DDC: variants seen among roughly 807,000 people sequenced by gnomAD.
The protein encoded by DDC is aromatic-L-amino-acid decarboxylase.
A neutral mutation model predicts 60.0 loss-of-function variants in DDC; 43 were observed. The ratio of observed to expected loss-of-function variants is 0.72; its 90% CI spans 0.56 to 0.92. The LOEUF is 0.92. Among genes scored for constraint, DDC ranks in the 40% least tolerant of loss-of-function variants. The pLI is 0.00. For synonymous variants in DDC, 232 were observed against 234.6 expected, an observed-to-expected ratio of 0.99 and a Z score of 0.10; for missense variants, 573 against 620.2, an observed-to-expected ratio of 0.92 and a Z score of 0.81.
chr7:50,549,152 A>G (rs2044899981), intron 1 of DDC, among the ~76,000 whole-genome samples: 1 of 152,242 alleles, frequency 6.6e-6, no homozygotes, highest in Admixed American at 6.5e-5. Flanking sequence ...CAAGAGCAAG[A>G]TGTACAAGGA....
At chr7:50,499,022 G>A in intron 8 of DDC, 126 bp downstream of exon 8, 1 of 791,704 alleles carries the variant, frequency 1.3e-6, no homozygotes, top group South Asian at 1.4e-5. Context: ...GTCGGAATTG[G>A]TTCAAACATA....
At chr7:50,522,067 A>G (rs1410377258) in intron 6 of DDC, among the ~76,000 whole-genome samples, 1 of 152,198 alleles carries the variant, frequency 6.6e-6, no homozygotes, top group Admixed American at 6.5e-5. Context: ...AGAACTAAGT[A>G]AACAATTATG....
intron 9 of DDC, among the ~76,000 whole-genome samples, chr7:50,490,180 TA>T (rs1191301740): frequency 6.6e-6 from 1 of 152,224 alleles, no homozygotes; most frequent in African/African-American, 2.4e-5. Flanking sequence ...ACAGAGCTAG[TA>T]AAAGCCTCTT....
At chr7:50,474,550 C>G (rs1466504953) in intron 11 of DDC, among the ~76,000 whole-genome samples, 1 of 152,188 alleles carries the variant, frequency 6.6e-6, no homozygotes, top group Non-Finnish European at 1.5e-5. Context: ...ATCTGTGATT[C>G]TTGGTGAACG....
intron 7 of DDC, among the ~76,000 whole-genome samples, chr7:50,501,375 T>A (rs2043252953): frequency 6.6e-6 from 1 of 152,202 alleles, no homozygotes; most frequent in Non-Finnish European, 1.5e-5. Flanking sequence ...GCAACCTAAC[T>A]GACTTCAACT....
At chr7:50,561,621 C>T (rs1313417682) in intron 1 of DDC, among the ~76,000 whole-genome samples, 2 of 152,134 alleles carry the variant, frequency 1.3e-5, no homozygotes, top group African/African-American at 4.8e-5. Flanking sequence ...GGCTCAGTCT[C>T]TCCTCCCACC....
At chr7:50,483,699 G>A (rs1156672485) in intron 9 of DDC, among the ~76,000 whole-genome samples, 2 of 151,998 alleles carry the variant, frequency 1.3e-5, no homozygotes, top group Non-Finnish European at 2.9e-5. Flanking sequence ...TCAGGAGATC[G>A]AGACCATCCT....
intron 1 of DDC, among the ~76,000 whole-genome samples, chr7:50,553,675 T>G (rs2153553374): frequency 6.6e-6 from 1 of 151,966 alleles, no homozygotes; most frequent in Middle Eastern, 3.4e-3. Flanking sequence ...TTAGTAGAGA[T>G]GGGGTTTTAC....
At chr7:50,538,028 A>AT (rs757534071) in intron 3 of DDC, 49 bp from the exon 4 acceptor site, 30 of 1,613,330 alleles carry the variant, frequency 1.9e-5, no homozygotes, top group Non-Finnish European at 2.5e-6. Flanking sequence ...GCATTGCAGA[A>AT]TTTGGGGGTC....
chr7:50,539,785 G>A (rs922494526), intron 3 of DDC, 130 bp downstream of exon 3: 7 of 711,372 alleles, frequency 9.8e-6, no homozygotes, highest in African/African-American at 3.5e-5. Flanking sequence ...TCTCCTCCCT[G>A]CAACAGTAGC....
chr7:50,470,271 T>G, intron 11 of DDC, 100 bp from the exon 12 acceptor site: 1 of 897,654 alleles, frequency 1.1e-6, no homozygotes, highest in Admixed American at 1.7e-5. Context: ...AGGCAGCCGA[T>G]TCCCTGGTGG....
Position 50,489,065 on chromosome 7 carries a change from G to C in DDC, c.944+6285C>G, listed in dbSNP as rs2042944909. On this transcript the variant is annotated intron_variant, in intron 9 of 14. Coordinates refer to ENST00000444124, the MANE Select transcript of DDC (RefSeq NM_001082971.2). ...TCTGTCACCCAGGCTGGAGTGCAGTGGCACCATCTCAGCTCACTGCAGCCT... is the reference window on the plus strand; with the variant it reads ...TCTGTCACCCAGGCTGGAGTGCAGTCGCACCATCTCAGCTCACTGCAGCCT... Among the ~76,000 whole-genome samples the C allele has an allele frequency of 2.6e-5, 4 of 152,272 alleles. No homozygotes were observed. In the South Asian group the frequency reaches 8.3e-4, roughly 32 times the overall value.
chr7:50,504,736 T>A (rs903449423), intron 6 of DDC, among the ~76,000 whole-genome samples: 2 of 152,028 alleles, frequency 1.3e-5, no homozygotes, highest in Non-Finnish European at 2.9e-5. Flanking sequence ...TGTGTGTGCA[T>A]ACACCCATGT....
chr7:50,478,769 G>C (rs1448385079), intron 10 of DDC, among the ~76,000 whole-genome samples: 1 of 151,992 alleles, frequency 6.6e-6, no homozygotes, highest in African/African-American at 2.4e-5. Flanking sequence ...AGGTACATGT[G>C]GGAAGGGCAG....
chr7:50,487,695 T>C (rs2042915530), intron 9 of DDC, among the ~76,000 whole-genome samples: 1 of 152,152 alleles, frequency 6.6e-6, no homozygotes, highest in South Asian at 2.1e-4. Flanking sequence ...AAAGGAGTAC[T>C]CATAAATTTA....
intron 4 of DDC, among the ~76,000 whole-genome samples, chr7:50,533,761 T>C (rs918494297): frequency 6.6e-6 from 1 of 152,158 alleles, no homozygotes; most frequent in Non-Finnish European, 1.5e-5. Flanking sequence ...ATAACTAACA[T>C]ACAGTAGAAG....
intron 6 of DDC, among the ~76,000 whole-genome samples, chr7:50,525,349 T>C (rs1219122133): frequency 6.6e-6 from 1 of 152,208 alleles, no homozygotes; most frequent in Non-Finnish European, 1.5e-5. Context: ...CAGTCTCCTG[T>C]CTTTGATATG....
chr7:50,462,444 T>C (rs1348600983), intron 14 of DDC, among the ~76,000 whole-genome samples: 3 of 152,182 alleles, frequency 2.0e-5, no homozygotes, highest in African/African-American at 7.2e-5. Context: ...AGGGTTTAAC[T>C]ATGAGGGGTA....
chr7:50,531,466 T>C (rs1323867459), intron 4 of DDC, among the ~76,000 whole-genome samples: 1 of 152,098 alleles, frequency 6.6e-6, no homozygotes, highest in East Asian at 1.9e-4. Context: ...GGCTAAATTC[T>C]ACCCTCTGCT....
Sources: gnomAD v4.1 joint callset for allele counts (sites outside exome capture counted in the v4.1 genomes callset) on GRCh38, gnomAD v4.1.1 for gene constraint, MANE v1.5 for transcripts, NCBI Gene and HGNC (gene_info 2026-07-23, HGNC 2026-07-21) for gene names.